CHN2: variants seen among roughly 807,000 people sequenced by gnomAD.
The protein encoded by CHN2 is chimerin 2.
In CHN2, 35 loss-of-function variants were observed where a neutral mutation model predicts 56.3. The ratio of observed to expected loss-of-function variants is 0.62; its 90% CI spans 0.47 to 0.82. The LOEUF (loss-of-function observed/expected upper bound fraction) is 0.82, where lower values mean the gene tolerates loss of function less well. Among genes scored for constraint, CHN2 ranks in the 40% least tolerant of loss-of-function variants. The pLI is 0.00. For synonymous variants in CHN2, 210 were observed against 212.8 expected, an observed-to-expected ratio of 0.99 and a Z score of 0.12; for missense variants, 491 against 580.5, an observed-to-expected ratio of 0.85 and a Z score of 1.58.
At chr7:29,431,712 A>G (rs1782872662) in intron 6 of CHN2, among the ~76,000 whole-genome samples, 1 of 152,214 alleles carries the variant, frequency 6.6e-6, no homozygotes, top group African/African-American at 2.4e-5. Flanking sequence ...CCAGGCCAAC[A>G]GTCATGAACC....
At chr7:29,183,648 A>G (rs1798346040) in intron 2 of CHN2, among the ~76,000 whole-genome samples, 1 of 151,980 alleles carries the variant, frequency 6.6e-6, no homozygotes, top group African/African-American at 2.4e-5. Flanking sequence ...AAGTACTAGG[A>G]TTACAGGTGT....
chr7:29,340,784 C>T (rs1796990064), intron 1 of CHN2, among the ~76,000 whole-genome samples: 1 of 152,192 alleles, frequency 6.6e-6, no homozygotes, highest in Admixed American at 6.5e-5. Context: ...ATTCTCGGCA[C>T]ATATATGGGA....
intron 1 of CHN2, among the ~76,000 whole-genome samples, chr7:29,262,425 G>T (rs1042866632): frequency 3.3e-5 from 5 of 152,074 alleles, no homozygotes; most frequent in Non-Finnish European, 7.4e-5. Flanking sequence ...CTCTATACTA[G>T]GCTAAACTAA....
At chr7:29,359,494 G>A (rs1010910095) in intron 2 of CHN2, among the ~76,000 whole-genome samples, 1 of 152,102 alleles carries the variant, frequency 6.6e-6, no homozygotes, top group Non-Finnish European at 1.5e-5. Context: ...CTCAAGGAAC[G>A]GTGATGCCAC....
intron 1 of CHN2, among the ~76,000 whole-genome samples, chr7:29,203,401 A>G (rs1252966014): frequency 2.9e-5 from 4 of 136,112 alleles, no homozygotes; most frequent in Middle Eastern, 8.3e-3. Context: ...CGGGAGAAAG[A>G]GGTTGTAGTG....
intron 6 of CHN2, among the ~76,000 whole-genome samples, chr7:29,463,439 C>A (rs576818690): frequency 1.3e-5 from 2 of 152,008 alleles, no homozygotes; most frequent in Non-Finnish European, 2.9e-5. Context: ...CCACCCACCC[C>A]ACAGACACTC....
intron 8 of CHN2, among the ~76,000 whole-genome samples, chr7:29,497,699 G>C (rs893935219): frequency 6.6e-6 from 1 of 152,066 alleles, no homozygotes; most frequent in Non-Finnish European, 1.5e-5. Context: ...GTAGAATATG[G>C]ATTTCTACTG....
At chr7:29,323,291 G>GAGATATTGCTCACTCAA (rs1370468420) in intron 1 of CHN2, among the ~76,000 whole-genome samples, 1 of 152,096 alleles carries the variant, frequency 6.6e-6, no homozygotes, top group African/African-American at 2.4e-5. Context: ...TGCTCACTCA[G>GAGATATTGCTCACTCAA]AGACATTGCT....
chr7:29,418,290 G>A (rs1188146468), intron 6 of CHN2, among the ~76,000 whole-genome samples: 1 of 152,244 alleles, frequency 6.6e-6, no homozygotes, highest in Non-Finnish European at 1.5e-5. Context: ...GTAGGGAGCA[G>A]GAACAGAAGC....
rs185023762 is a variant in CHN2 at position 29,436,262 on chromosome 7, C to T, written c.576+35434C>T. ...GATGCTGGGCTGCTGATCCAGAGAC[C>T]ACGCTTTGACCAGTAAGACTAGGGA... On this transcript the variant is annotated intron_variant, in intron 6 of 12. Transcript: ENST00000222792. Among the ~76,000 whole-genome samples the T allele has an allele frequency of 6.9e-3, 1,047 of 152,272 alleles. 46 individuals carry two copies. Among genetic ancestry groups the T allele is most frequent in the Admixed American group, 0.063 (966 of 15,302 alleles).
At chr7:29,409,975 G>C (rs1273400479) in intron 6 of CHN2, among the ~76,000 whole-genome samples, 3 of 152,168 alleles carry the variant, frequency 2.0e-5, no homozygotes, top group Non-Finnish European at 2.9e-5. Flanking sequence ...GCTATGATGA[G>C]GAGGCATTCT....
chr7:29,480,509 T>C (rs1405425817), intron 7 of CHN2, among the ~76,000 whole-genome samples, 153 bp downstream of exon 7: 3 of 152,250 alleles, frequency 2.0e-5, no homozygotes, highest in African/African-American at 7.2e-5. Context: ...CTGCGCTTTC[T>C]GTCAGTTCAA....
At position 29,513,150 on chromosome 7, in the gene CHN2, G is replaced by T; in HGVS notation, c.*415G>T. The T allele has an allele frequency of 6.4e-6, 1 of 156,648 alleles. No homozygotes were observed. The highest frequency in any genetic ancestry group is 1.4e-5 in the Non-Finnish European group (1 of 70,612). The allele number at this position is 156,648 out of a possible 1,614,324, so 9.7% of individuals were successfully genotyped here. The stretch of plus-strand genomic sequence containing the variant: ...AATTCTGTTAAATGAAACGTGTATC[G>T]TAAAATGTATTTTTATTTTACCCAC... On this transcript the variant is annotated 3_prime_UTR_variant, in exon 13 of 13. Coordinates refer to ENST00000222792, the MANE Select transcript of CHN2 (RefSeq NM_004067.4).
rs976837743 is a variant in CHN2, at chr7:29,154,599, C to T, written c.274+7639C>T. The stretch of plus-strand genomic sequence containing the variant: ...CTGTAATCCCAGCACTTTGGGAGGC[C>T]GAGGCAGGCAGATTTCTTGAGGTCA... On this transcript the variant is annotated intron_variant, in intron 2 of 6. Coordinates refer to the CHN2 transcript ENST00000439384. Among the ~76,000 whole-genome samples, 5 of 152,172 alleles carry T rather than the reference C, an allele frequency of 3.3e-5. No homozygotes were observed. In the South Asian group the frequency reaches 8.3e-4, roughly 25 times the overall value.
At chr7:29,441,025 A>G (rs756235530) in intron 6 of CHN2, among the ~76,000 whole-genome samples, 4 of 152,234 alleles carry the variant, frequency 2.6e-5, no homozygotes, top group Non-Finnish European at 4.4e-5. Context: ...TAACATATCC[A>G]TCACCTAATA....
intron 1 of CHN2, among the ~76,000 whole-genome samples, chr7:29,323,566 C>A (rs1223760204): frequency 1.3e-5 from 2 of 152,134 alleles, no homozygotes; most frequent in Non-Finnish European, 2.9e-5. Flanking sequence ...CATGAGGCCG[C>A]CTCGCCACGT....
chr7:29,455,955 T>G (rs1784722033), intron 6 of CHN2, among the ~76,000 whole-genome samples: 1 of 152,148 alleles, frequency 6.6e-6, no homozygotes, highest in Non-Finnish European at 1.5e-5. Flanking sequence ...CAACTAAACT[T>G]TGGAGTAGCC....
chr7:29,422,606 T>C (rs1804460271), intron 6 of CHN2, among the ~76,000 whole-genome samples: 1 of 152,266 alleles, frequency 6.6e-6, no homozygotes, highest in Admixed American at 6.5e-5. Flanking sequence ...GAGTATTTAC[T>C]TAGAAAAGCA....
chr7:29,336,260 CG>C (rs1248661563), intron 1 of CHN2: 6 of 152,086 alleles, frequency 3.9e-5, no homozygotes, highest in African/African-American at 1.4e-4. Flanking sequence ...TACTGAAAGA[CG>C]GCTTTTGTTG....
Sources: allele counts gnomAD v4.1 joint callset (sites outside exome capture counted in the v4.1 genomes callset), GRCh38; gene constraint gnomAD v4.1.1; transcripts MANE v1.5; gene names NCBI Gene and HGNC (gene_info 2026-07-23, HGNC 2026-07-21).